Variants in KATNAL2 observed in about 807,000 individuals in gnomAD.
The protein encoded by KATNAL2 is katanin catalytic subunit A1 like 2, also known as katanin p60 ATPase-containing subunit A-like 2.
A neutral mutation model predicts 76.3 loss-of-function variants in KATNAL2; 52 were observed. The observed-to-expected ratio is 0.68, with a 90% CI of 0.55 to 0.86. The LOEUF is 0.86. Among genes scored for constraint, KATNAL2 ranks in the 40% least tolerant of loss-of-function variants. The pLI is 0.00. For synonymous variants in KATNAL2, 243 were observed against 244.2 expected, an observed-to-expected ratio of 1.00 and a Z score of 0.05; for missense variants, 660 against 668.9, an observed-to-expected ratio of 0.99 and a Z score of 0.15.
chr18:47,033,471 T>C, intron 3 of KATNAL2: 3 of 1,614,194 alleles, frequency 1.9e-6, no homozygotes, highest in Non-Finnish European at 2.5e-6. Context: ...TGTTTTCCTG[T>C]GGCTTTTCTT....
At chr18:47,044,761 CAA>C (rs34331798) in intron 3 of KATNAL2, among the ~76,000 whole-genome samples, 929 of 82,758 alleles carry the variant, frequency 0.011, 21 homozygotes, top group Admixed American at 0.036. Flanking sequence ...GATTCCTTCT[CAA>C]AAAAAAAACA....
At chr18:47,044,807 G>A (rs1234014953) in intron 3 of KATNAL2, among the ~76,000 whole-genome samples, 5 of 151,640 alleles carry the variant, frequency 3.3e-5, no homozygotes, top group Admixed American at 6.6e-5. Flanking sequence ...AAATGGGTCC[G>A]GTGTGGTGGC....
intron 1 of KATNAL2, among the ~76,000 whole-genome samples, chr18:46,922,584 G>A (rs1184351842): frequency 2.0e-5 from 3 of 151,834 alleles, no homozygotes; most frequent in African/African-American, 4.8e-5. Flanking sequence ...GCCTGAGGTC[G>A]GGAGTTCGAG....
intron 3 of KATNAL2, among the ~76,000 whole-genome samples, chr18:47,031,021 C>CA (rs1439829043): frequency 8.6e-5 from 3 of 34,732 alleles, no homozygotes; most frequent in Non-Finnish European, 2.7e-4. Flanking sequence ...CTCCCCCCCC[C>CA]CCCCCCGCCC....
In KATNAL2 at chr18:47,054,380, G is replaced by A; in HGVS notation, c.290-16G>A. The A allele has an allele frequency of 6.2e-7, 1 of 1,607,788 alleles. No homozygotes were observed. Among genetic ancestry groups the A allele is most frequent in the Non-Finnish European group, 8.5e-7 (1 of 1,174,464 alleles). On this transcript the variant is annotated splice_polypyrimidine_tract_variant and intron_variant, in intron 5 of 17. Transcript: ENST00000683218. ...AAAATTATTTTCTTTCCCTCCCAAT[G>A]TCTGTTTTGTCACAGCAGAAAATAA...
intron 1 of KATNAL2, among the ~76,000 whole-genome samples, chr18:46,941,591 T>C (rs2059247851): frequency 6.6e-6 from 1 of 152,176 alleles, no homozygotes; most frequent in East Asian, 1.9e-4. Flanking sequence ...ATCCACCTAA[T>C]AGTATAATTT....
chr18:47,036,391 T>C (rs2060775179), intron 3 of KATNAL2, among the ~76,000 whole-genome samples: 1 of 152,240 alleles, frequency 6.6e-6, no homozygotes, highest in South Asian at 2.1e-4. Flanking sequence ...TCAAAAAGTC[T>C]TTTAGTCATA....
intron 6 of KATNAL2, among the ~76,000 whole-genome samples, chr18:47,057,800 C>A (rs913088223): frequency 2.6e-5 from 4 of 152,190 alleles, no homozygotes; most frequent in Admixed American, 2.6e-4. Flanking sequence ...AACCATGGGG[C>A]CAATCCCTGG....
At chr18:47,094,885 C>T (rs1599874880) in intron 15 of KATNAL2, among the ~76,000 whole-genome samples, 1 of 152,154 alleles carries the variant, frequency 6.6e-6, no homozygotes, top group East Asian at 1.9e-4. Context: ...TCCCCTGCTA[C>T]TGGAGGGGGT....
At chr18:47,087,691 GA>G (rs2062832288) in intron 15 of KATNAL2, among the ~76,000 whole-genome samples, 1 of 151,998 alleles carries the variant, frequency 6.6e-6, no homozygotes, top group Non-Finnish European at 1.5e-5. Flanking sequence ...TTAAAAAAGT[GA>G]ATAGTCCCCT....
At chr18:46,941,583 C>A (rs1167545629) in intron 1 of KATNAL2, among the ~76,000 whole-genome samples, 1 of 152,050 alleles carries the variant, frequency 6.6e-6, no homozygotes, top group Non-Finnish European at 1.5e-5. Context: ...ATTTTCGTAT[C>A]CACCTAATAG....
At chr18:47,100,410 T>TGCTGGTGAGAGGGATTTTTA in intron 17 of KATNAL2, 54 bp downstream of exon 17, 1 of 1,448,030 alleles carries the variant, frequency 6.9e-7, no homozygotes, top group Non-Finnish European at 9.7e-7. Flanking sequence ...AAAATCCCTC[T>TGCTGGTGAGAGGGATTTTTA]CACCAGCAGA....
intron 1 of KATNAL2, among the ~76,000 whole-genome samples, chr18:46,940,843 G>T (rs1207477228): frequency 6.6e-6 from 1 of 152,152 alleles, no homozygotes; most frequent in Non-Finnish European, 1.5e-5. Flanking sequence ...GGCTAACATA[G>T]CTGGACTCCT....
At chr18:47,041,020 C>T (rs932487947) in intron 3 of KATNAL2, among the ~76,000 whole-genome samples, 3 of 152,144 alleles carry the variant, frequency 2.0e-5, no homozygotes, top group African/African-American at 7.2e-5. Context: ...AAGCAGTAGG[C>T]CTGACAAATT....
chr18:46,926,027 A>G (rs1244449023), intron 1 of KATNAL2, among the ~76,000 whole-genome samples: 2 of 152,054 alleles, frequency 1.3e-5, no homozygotes, highest in Admixed American at 6.6e-5. Context: ...GATCTTTTCA[A>G]AAAACCAGCT....
intron 3 of KATNAL2, among the ~76,000 whole-genome samples, chr18:47,032,363 C>T (rs1386995293): frequency 6.6e-6 from 1 of 152,228 alleles, no homozygotes; most frequent in Non-Finnish European, 1.5e-5. Context: ...CCTGCCACCT[C>T]AGCCCTTTAA....
chr18:47,042,091 A>T (rs994895650), intron 3 of KATNAL2, among the ~76,000 whole-genome samples: 2 of 151,934 alleles, frequency 1.3e-5, no homozygotes, highest in African/African-American at 4.8e-5. Context: ...GTGTTTGTAT[A>T]TTTTGGATAC....
intron 17 of KATNAL2, 47 bp from the exon 18 acceptor site, chr18:47,100,819 A>G: frequency 6.2e-7 from 1 of 1,610,106 alleles, no homozygotes; most frequent in Non-Finnish European, 8.5e-7. Flanking sequence ...AGCATTGATC[A>G]CCAAGAGGTC....
At chr18:46,962,042 C>A (rs1187234744) in intron 3 of KATNAL2, among the ~76,000 whole-genome samples, 1 of 152,114 alleles carries the variant, frequency 6.6e-6, no homozygotes, top group Admixed American at 6.6e-5. Context: ...TTAGTCCTTC[C>A]AAAAATATAA....
Sources: allele counts gnomAD v4.1 joint callset (sites outside exome capture counted in the v4.1 genomes callset), GRCh38; gene constraint gnomAD v4.1.1; transcripts MANE v1.5; gene names NCBI Gene and HGNC (gene_info 2026-07-23, HGNC 2026-07-21).